ABCC6: variants seen among roughly 807,000 people sequenced by gnomAD.
ABCC6 encodes the protein ATP-binding cassette sub-family C member 6.
In ABCC6, 126 loss-of-function variants were observed where a neutral mutation model predicts 169.5. The observed-to-expected ratio is 0.74, with a 90% CI of 0.64 to 0.86. ABCC6 has a LOEUF of 0.86. Among genes scored for constraint, ABCC6 ranks in the 40% least tolerant of loss-of-function variants. The pLI is 0.00. For missense variants in ABCC6, 1,733 were observed against 1,927.2 expected, an observed-to-expected ratio of 0.90 and a Z score of 1.89; for synonymous variants, 752 against 814.7, an observed-to-expected ratio of 0.92 and a Z score of 1.31.
chr16:16,209,968 T>A (rs1398000896), intron 6 of ABCC6, among the ~76,000 whole-genome samples: 2 of 151,918 alleles, frequency 1.3e-5, no homozygotes, highest in Middle Eastern at 3.4e-3. Flanking sequence ...CGGCCTCAAG[T>A]GATCTGTCAG....
rs1397854994 is a variant in ABCC6 at position 16,165,871 on chromosome 16, G to A, written c.3058C>T (p.Leu1020Phe). The A allele has an allele frequency of 6.2e-7, 1 of 1,613,196 alleles. No homozygotes were observed. The highest frequency in any genetic ancestry group is 8.5e-7 in the Non-Finnish European group (1 of 1,180,038). ...ACATCCCACAGGAGCCTCTGGAAGAGCAACCTGGATGCCCGGGCCCCACCT... is the reference window on the plus strand; with the variant it reads ...ACATCCCACAGGAGCCTCTGGAAGAACAACCTGGATGCCCGGGCCCCACCT... ...LLGGARASRLLFQRLLWDVVR... is the reference protein window; with the variant it reads ...LLGGARASRLFFQRLLWDVVR... The change falls in exon 23 of 31, where the codon CTC becomes TTC. Residue 1020 changes from leucine to phenylalanine, a missense_variant. Physicochemically the swap from Leu to Phe is conservative, Grantham distance 22. This residue lies in a region of ABCC6 where 1,601 missense variants were observed against 1,635.5 expected (regional missense o/e 0.98). Coordinates refer to ENST00000205557, the MANE Select transcript of ABCC6 (RefSeq NM_001171.6).
rs1204500214 is a variant in ABCC6, at chr16:16,187,107, C to G, written c.1867+17G>C. ...CCCCATCCCTCCCACACCCCTCCTG[C>G]CAGACTCAGCACTCACCGCTTCCAG... On this transcript the variant is annotated intron_variant, in intron 14 of 30. Transcript: ENST00000205557. The G allele has an allele frequency of 1.9e-6, 3 of 1,607,688 alleles. No individual in the cohort carries two copies. The highest frequency in any genetic ancestry group is 2.7e-5 in the African/African-American group (2 of 74,750).
intron 15 of ABCC6, among the ~76,000 whole-genome samples, chr16:16,184,620 C>G (rs2047588134): frequency 2.0e-5 from 3 of 152,148 alleles, no homozygotes; most frequent in Non-Finnish European, 4.4e-5. Flanking sequence ...GAAGTGAGCA[C>G]AGCTGATAGG....
chr16:16,179,039 G>C, intron 17 of ABCC6, 74 bp from the exon 18 acceptor site: 1 of 1,525,938 alleles, frequency 6.6e-7, no homozygotes. Context: ...GCTGTGGCAG[G>C]TCAGGGCACA....
rs754695089 is a variant in ABCC6 at position 16,182,913 on chromosome 16, G to A, written c.1961C>T (p.Pro654Leu). 1.9e-6 allele frequency: 3 copies of A among 1,614,108 alleles called. 1 individual carries two copies. Among genetic ancestry groups the A allele is most frequent in the Non-Finnish European group, 2.5e-6 (3 of 1,179,990 alleles). Residue 654 changes from proline to leucine, a missense_variant, in exon 16 of 31, where the codon CCC becomes CTC. Transcript: ENST00000205557. ...PCLHRINLTV[P>L]QGCLLAVVGP... Reference sequence around the variant, plus strand: ...GACAACAGCCAGCAGACAGCCCTGGGGCACCGTGAGGTTTATTCTGGACAC... The same window carrying A: ...GACAACAGCCAGCAGACAGCCCTGGAGCACCGTGAGGTTTATTCTGGACAC...
At chr16:16,179,869 G>A (rs2047412906) in intron 17 of ABCC6, among the ~76,000 whole-genome samples, 1 of 152,196 alleles carries the variant, frequency 6.6e-6, no homozygotes, top group African/African-American at 2.4e-5. Context: ...GGGATTACAG[G>A]CGTGAGCCAC....
At chr16:16,215,362 G>A (rs991322759) in intron 4 of ABCC6, among the ~76,000 whole-genome samples, 3 of 151,852 alleles carry the variant, frequency 2.0e-5, no homozygotes, top group African/African-American at 7.3e-5. Context: ...TGCATCTGCT[G>A]CCCTGTCATC....
chr16:16,191,194 T>TA (rs2047843044), intron 11 of ABCC6, among the ~76,000 whole-genome samples: 1 of 151,982 alleles, frequency 6.6e-6, no homozygotes, highest in Non-Finnish European at 1.5e-5. Flanking sequence ...CGGCTCACTG[T>TA]AACCTCCGCC....
intron 5 of ABCC6, among the ~76,000 whole-genome samples, chr16:16,213,926 G>A (rs915027751): frequency 3.4e-5 from 5 of 148,000 alleles, no homozygotes; most frequent in East Asian, 4.0e-4. Flanking sequence ...CAGTAGCTAC[G>A]TGAGAACAGA....
intron 29 of ABCC6, 36 bp downstream of exon 29, chr16:16,154,592 C>T: frequency 1.2e-6 from 2 of 1,611,072 alleles, no homozygotes; most frequent in Non-Finnish European, 1.7e-6. Context: ...CCTCCTCTCC[C>T]ACCTGCAGGT....
rs2047509751 is a variant in ABCC6 at position 16,182,495 on chromosome 16, G to T, written c.2164C>A (p.Leu722Met). Residue 722 changes from leucine to methionine, a missense_variant, in exon 17 of 31, where the codon CTG becomes ATG. Physicochemically the swap from Leu to Met is conservative, Grantham distance 15 (BLOSUM62 2). This residue lies in a region of ABCC6 where 1,601 missense variants were observed against 1,635.5 expected (regional missense o/e 0.98). Coordinates refer to ENST00000205557, the MANE Select transcript of ABCC6 (RefSeq NM_001171.6). ...GCACAGGCTTCTAGTACTCTCTCCA[G>T]CCAGGGTGGGTCCAGCTCCTGCCCG... ...CFGQELDPPW[L>M]ERVLEACALQ... is the part of the protein sequence containing the mutation. 1.2e-6 allele frequency: 2 copies of T among 1,614,216 alleles called. No homozygotes were observed. Among genetic ancestry groups the T allele is most frequent in the East Asian group, 2.2e-5 (1 of 44,884 alleles).
At chr16:16,212,776 A>G (rs2048684047) in intron 5 of ABCC6, among the ~76,000 whole-genome samples, 1 of 152,232 alleles carries the variant, frequency 6.6e-6, no homozygotes, top group African/African-American at 2.4e-5. Context: ...CAGAAGAACA[A>G]CTATGATTAT....
In ABCC6 at chr16:16,161,443, G is replaced by A. The variant is rs762213485; in HGVS notation, c.3628C>T (p.Leu1210Phe). 1.9e-6 allele frequency: 3 copies of A among 1,613,834 alleles called. No individual in the cohort carries two copies. The highest frequency in any genetic ancestry group is 8.5e-7 in the Non-Finnish European group (1 of 1,179,996). ...TTTGGGGATGTGGGGAGTACCTGGAGGGCAGCAGAGACAGAGAAGCCCACG... is the reference window on the plus strand; with the variant it reads ...TTTGGGGATGTGGGGAGTACCTGGAAGGCAGCAGAGACAGAGAAGCCCACG... Reference protein sequence around the residue: ...GLVGFSVSAALQVTQTLQWVV... With the variant: ...GLVGFSVSAAFQVTQTLQWVV... The change falls in exon 25 of 31, where the codon CTC becomes TTC. Residue 1210 changes from leucine to phenylalanine, a missense_variant. Around this residue, in one of 5 missense-constraint regions of ABCC6, gnomAD observed 1,601 missense variants for 1,635.5 expected, o/e 0.98. Transcript: ENST00000205557.
At position 16,197,929 on chromosome 16, in the gene ABCC6, C is replaced by T; in HGVS notation, c.1338+92G>A. Reference sequence around the variant, plus strand: ...TCTTCCAGCCTCTTGAATGCTAAGTCAGGAGGAGGAAGGGTGGGAGGGGGA... The same window carrying T: ...TCTTCCAGCCTCTTGAATGCTAAGTTAGGAGGAGGAAGGGTGGGAGGGGGA... On this transcript the variant is annotated intron_variant, in intron 10 of 30. Coordinates refer to ENST00000205557, the MANE Select transcript of ABCC6 (RefSeq NM_001171.6). The T allele has an allele frequency of 2.9e-6, 4 of 1,389,812 alleles. No homozygotes were observed. The Admixed American group carries it at 9.0e-5, about 31-fold the overall frequency. The allele number at this position is 1,389,812 out of a possible 1,614,324, so 86.1% of individuals were successfully genotyped here. A position where few individuals can be genotyped will look rare whatever the true frequency, so the allele number is the denominator to read the frequency against.
At chr16:16,191,175 GT>G (rs2047842034) in intron 11 of ABCC6, among the ~76,000 whole-genome samples, 1 of 152,066 alleles carries the variant, frequency 6.6e-6, no homozygotes. Flanking sequence ...GAGTGCAGTG[GT>G]GTGGTCTCGG....
chr16:16,220,760 G>T (rs545490061), intron 2 of ABCC6, among the ~76,000 whole-genome samples: 6 of 151,816 alleles, frequency 4.0e-5, no homozygotes, highest in East Asian at 1.9e-4. Flanking sequence ...AGCGAGGTGT[G>T]GGGGTGGGCA....
In ABCC6 at chr16:16,178,818, C is replaced by T. The variant is rs747017064; in HGVS notation, c.2395G>A (p.Gly799Ser). The change falls in exon 18 of 31, where the codon GGT becomes AGT. Residue 799 changes from glycine to serine, a missense_variant. Around this residue, in one of 5 missense-constraint regions of ABCC6, gnomAD observed 1,601 missense variants for 1,635.5 expected, o/e 0.98. Transcript: ENST00000205557. Reference protein sequence around the residue: ...QHVFNQVIGPGGLLQGTTRIL... With the variant: ...QHVFNQVIGPSGLLQGTTRIL... Reference sequence around the variant, plus strand: ...CTTACTGTTCCCTGGAGTAGTCCACCAGGCCCAATGACCTGGTTGAAGACA... The same window carrying T: ...CTTACTGTTCCCTGGAGTAGTCCACTAGGCCCAATGACCTGGTTGAAGACA... 1.9e-6 allele frequency: 3 copies of T among 1,613,754 alleles called. No homozygotes were observed. In the African/African-American group the frequency reaches 4.0e-5, roughly 22 times the overall value.
intron 25 of ABCC6, among the ~76,000 whole-genome samples, chr16:16,159,939 G>A (rs77054339): frequency 0.014 from 2,164 of 152,122 alleles, 41 homozygotes; most frequent in Non-Finnish European, 0.017. Flanking sequence ...CGGCTTTCTC[G>A]CAGCGACTGG....
chr16:16,159,639 A>G (rs1413596367), intron 25 of ABCC6, 56 bp from the exon 26 acceptor site: 1 of 1,530,270 alleles, frequency 6.5e-7, no homozygotes, highest in Admixed American at 1.7e-5. Flanking sequence ...AGGGCTTGCA[A>G]CAGCCCCCCT....
Sources: gnomAD v4.1 joint callset for allele counts (sites outside exome capture counted in the v4.1 genomes callset) on GRCh38, gnomAD v4.1.1 for gene constraint, gnomAD v4.1.1 regional missense constraint, MANE v1.5 for transcripts, NCBI Gene and HGNC (gene_info 2026-07-23, HGNC 2026-07-21) for gene names.